C8A: variants seen among roughly 807,000 people sequenced by gnomAD.
The protein encoded by C8A is complement C8 alpha chain.
Under a neutral mutation model 65.3 loss-of-function variants are expected in C8A, and 67 were observed. That is an observed-to-expected ratio of 1.03 (90% CI 0.84 to 1.26). C8A has a LOEUF of 1.26. C8A is among the 50% of genes most tolerant of loss of function. The pLI, the probability that C8A is intolerant of heterozygous loss-of-function variation, is 0.00. For synonymous variants in C8A, 290 were observed against 259.4 expected (o/e 1.12, Z -1.13); for missense variants, 781 against 723.9 (o/e 1.08, Z -0.90).
chr1:56,898,421 C>G (rs994079782), intron 7 of C8A, among the ~76,000 whole-genome samples: 1 of 152,118 alleles, frequency 6.6e-6, no homozygotes, highest in Non-Finnish European at 1.5e-5. Flanking sequence ...TTGGGGTGCA[C>G]TATACTGAGC....
chr1:56,909,017 C>T (rs1644487690), intron 9 of C8A, among the ~76,000 whole-genome samples: 1 of 152,204 alleles, frequency 6.6e-6, no homozygotes, highest in African/African-American at 2.4e-5. Flanking sequence ...TGCTGCTAAA[C>T]ATCCTTCCAT....
intron 9 of C8A, among the ~76,000 whole-genome samples, chr1:56,910,946 G>A (rs1308738220): frequency 1.3e-5 from 2 of 152,024 alleles, no homozygotes; most frequent in Non-Finnish European, 2.9e-5. Flanking sequence ...GGGGCCTCAG[G>A]TTCCTCTCCT....
In C8A at chr1:56,898,765, ACT is replaced by A. The variant is rs1644403954; in HGVS notation, c.1097-7900_1097-7899del. Among the ~76,000 whole-genome samples the A allele has an allele frequency of 3.3e-5, 5 of 152,098 alleles. No homozygotes were observed. The South Asian group carries it at 1.0e-3, about 32-fold the overall frequency. ...TGATTGAGCATGGCCCACAGCAGAGACTCAGCGTCTTTCTAGCTGGGGTGGTT... is the reference window on the plus strand; with the variant it reads ...TGATTGAGCATGGCCCACAGCAGAGACAGCGTCTTTCTAGCTGGGGTGGTT... On this transcript the variant is annotated intron_variant, in intron 7 of 10. Coordinates refer to ENST00000361249, the MANE Select transcript of C8A (RefSeq NM_000562.3).
At chr1:56,874,482 A>G (rs558251787) in intron 2 of C8A, among the ~76,000 whole-genome samples, 13 of 152,320 alleles carry the variant, frequency 8.5e-5, no homozygotes, top group African/African-American at 3.1e-4. Context: ...ATGAAGCCAA[A>G]TAAGACATGG....
intron 9 of C8A, among the ~76,000 whole-genome samples, chr1:56,910,541 G>T (rs1211363829): frequency 5.9e-5 from 9 of 152,224 alleles, no homozygotes; most frequent in South Asian, 2.1e-4. Context: ...AAGAGAAATT[G>T]CTCAATGGTC....
At chr1:56,886,871 T>A (rs996880676) in intron 7 of C8A, among the ~76,000 whole-genome samples, 1 of 152,144 alleles carries the variant, frequency 6.6e-6, no homozygotes, top group African/African-American at 2.4e-5. Context: ...ACGGTGGTTC[T>A]CAAAGTGTGG....
At chr1:56,897,121 CTG>C (rs1364714521) in intron 7 of C8A, among the ~76,000 whole-genome samples, 1 of 152,128 alleles carries the variant, frequency 6.6e-6, no homozygotes, top group African/African-American at 2.4e-5. Flanking sequence ...GAACATCAAA[CTG>C]TTGTGATAGC....
In C8A at chr1:56,867,717, A is replaced by T; in HGVS notation, c.171+15A>T. ...AGGACAAAAAGGTGAGACACTTACAACCGGTTTGGGGGCATTTCATATTTG... is the reference window on the plus strand; with the variant it reads ...AGGACAAAAAGGTGAGACACTTACATCCGGTTTGGGGGCATTTCATATTTG... On this transcript the variant is annotated intron_variant, in intron 2 of 10. Transcript: ENST00000361249. The T allele has an allele frequency of 6.3e-7, 1 of 1,596,994 alleles. No individual in the cohort carries two copies. Among genetic ancestry groups the T allele is most frequent in the South Asian group, 1.1e-5 (1 of 90,682 alleles).
At chr1:56,892,703 A>C (rs1644357258) in intron 7 of C8A, among the ~76,000 whole-genome samples, 1 of 152,050 alleles carries the variant, frequency 6.6e-6, no homozygotes, top group Admixed American at 6.6e-5. Flanking sequence ...ATGTTTCATA[A>C]ATGCCTTTGG....
chr1:56,867,156 C>T (rs541130402), intron 1 of C8A, among the ~76,000 whole-genome samples: 1 of 152,182 alleles, frequency 6.6e-6, no homozygotes, highest in South Asian at 2.1e-4. Flanking sequence ...CTTTCAATAA[C>T]CCTTTTAGGT....
chr1:56,917,940 T>G lies in C8A; in HGVS notation c.*224T>G. ...CAGCAACTGGATGTTGACTGTTAACTAGAAGCTCTGTCCTACTTACAGCAC... is the reference window on the plus strand; with the variant it reads ...CAGCAACTGGATGTTGACTGTTAACGAGAAGCTCTGTCCTACTTACAGCAC... On this transcript the variant is annotated 3_prime_UTR_variant, in exon 11 of 11. Transcript: ENST00000361249. 1.8e-6 allele frequency: 1 copy of G among 547,834 alleles called. No individual in the cohort carries two copies. 33.9% of individuals were successfully genotyped at this position (547,834 alleles called of 1,614,324 possible).
intron 10 of C8A, 66 bp from the exon 11 acceptor site, chr1:56,917,499 A>G: frequency 6.4e-7 from 1 of 1,568,908 alleles, no homozygotes; most frequent in Non-Finnish European, 8.8e-7. Context: ...CCTGTTCATC[A>G]CCAGACAGGC....
At chr1:56,904,026 T>C (rs550541450) in intron 7 of C8A, among the ~76,000 whole-genome samples, 2 of 152,322 alleles carry the variant, frequency 1.3e-5, no homozygotes, top group African/African-American at 4.8e-5. Flanking sequence ...GAGGATTGTC[T>C]AGTTCCATGA....
chr1:56,875,513 G>T (rs1644189845), intron 3 of C8A, among the ~76,000 whole-genome samples: 1 of 152,096 alleles, frequency 6.6e-6, no homozygotes, highest in Non-Finnish European at 1.5e-5. Flanking sequence ...ATGGCCTAGT[G>T]GGTCTTTCTA....
At position 56,856,587 on chromosome 1, in the gene C8A, C is replaced by A. The variant is rs575073946; in HGVS notation, c.77+1609C>A. 9.2e-5 allele frequency among the ~76,000 whole-genome samples: 14 copies of A among 152,136 alleles called. No homozygotes were observed. In the South Asian group the frequency reaches 2.9e-3, roughly 32 times the overall value. ...TTTTAAGTAATAGCACTCTTTTTCC[C>A]TGCAAAATAAAATTTCACATGAACC... On this transcript the variant is annotated intron_variant, in intron 1 of 10. Coordinates refer to ENST00000361249, the MANE Select transcript of C8A (RefSeq NM_000562.3).
intron 1 of C8A, among the ~76,000 whole-genome samples, chr1:56,862,644 A>G (rs1160911226): frequency 6.6e-6 from 1 of 152,140 alleles, no homozygotes; most frequent in Non-Finnish European, 1.5e-5. Context: ...CTACAGACTA[A>G]AAAACTAAAA....
intron 7 of C8A, among the ~76,000 whole-genome samples, chr1:56,896,360 C>T (rs1252316740): frequency 6.6e-6 from 1 of 152,142 alleles, no homozygotes; most frequent in Non-Finnish European, 1.5e-5. Context: ...TCTGAAGGCC[C>T]GAGAACCTGG....
chr1:56,868,351 G>A (rs1644111664), intron 2 of C8A, among the ~76,000 whole-genome samples: 1 of 151,456 alleles, frequency 6.6e-6, no homozygotes, highest in Non-Finnish European at 1.5e-5. Flanking sequence ...GCTCACACCT[G>A]TAATCCAAGC....
chr1:56,861,162 C>T (rs150787128), intron 1 of C8A, among the ~76,000 whole-genome samples: 18 of 152,250 alleles, frequency 1.2e-4, no homozygotes, highest in Non-Finnish European at 2.5e-4. Flanking sequence ...CTATTATATG[C>T]CAGGTACTGT....
Sources: gnomAD v4.1 joint callset for allele counts (sites outside exome capture counted in the v4.1 genomes callset) on GRCh38, gnomAD v4.1.1 for gene constraint, MANE v1.5 for transcripts, NCBI Gene and HGNC (gene_info 2026-07-23, HGNC 2026-07-21) for gene names.